HLA-DRB1: variants seen among roughly 807,000 people sequenced by gnomAD.
HLA-DRB1 encodes major histocompatibility complex, class II, DR beta 1.
A neutral mutation model predicts 27.9 loss-of-function variants in HLA-DRB1; 10 were observed. The ratio of observed to expected loss-of-function variants is 0.36; its 90% CI spans 0.22 to 0.61. HLA-DRB1 has a LOEUF of 0.61. Among genes scored for constraint, HLA-DRB1 ranks in the 20% least tolerant of loss-of-function variants. The pLI, the probability that HLA-DRB1 is intolerant of heterozygous loss-of-function variation, is 0.73. For missense variants in HLA-DRB1, 118 were observed against 306.3 expected (o/e 0.39, Z 4.59); for synonymous variants, 57 against 126.7 (o/e 0.45, Z 3.69).
intron 3 of HLA-DRB1, among the ~76,000 whole-genome samples, chr6:32,581,157 C>T (rs41286841): frequency 0.17 from 11,830 of 68,066 alleles, 2,251 homozygotes; most frequent in Middle Eastern, 0.29. Context: ...TAATAAAAAG[C>T]AGGGCTGAGA....
At position 32,579,122 on chromosome 6, in the gene HLA-DRB1, G is replaced by A. The variant is rs35662203; in HGVS notation, c.788-18C>T. The A allele has an allele frequency of 2.6e-4, 244 of 926,362 alleles. 2 individuals carry two copies. The highest frequency in any genetic ancestry group is 2.5e-4 in the Admixed American group (6 of 23,984). The allele number at this position is 926,362 out of a possible 1,614,324, so 57.4% of individuals were successfully genotyped here. A position where few individuals can be genotyped will look rare whatever the true frequency, so the allele number is the denominator to read the frequency against. On this transcript the variant is annotated intron_variant, in intron 5 of 5. Coordinates refer to ENST00000360004, the Ensembl canonical transcript of HLA-DRB1. ...CAGGAATCCTGCAAAAGACAGAGGA[G>A]AGTGTTGTTTTCAACCTGGCTCTAC...
chr6:32,584,515 G>A (rs1776097972), intron 1 of HLA-DRB1, 137 bp from the exon 2 acceptor site: 1 of 611,324 alleles, frequency 1.6e-6, no homozygotes, highest in Non-Finnish European at 2.8e-6. Context: ...CCCACCACCT[G>A]CAGCCCAGGA....
At position 32,582,012 on chromosome 6, in the gene HLA-DRB1, G is replaced by T. The variant is rs1484367880; in HGVS notation, c.371-174C>A. Among the ~76,000 whole-genome samples the T allele has an allele frequency of 2.4e-5, 3 of 125,164 alleles. 1 individual carries two copies. 82.1% of individuals were successfully genotyped at this position (125,164 alleles called of 152,430 possible). On this transcript the variant is annotated intron_variant, in intron 2 of 5. Coordinates refer to ENST00000360004, the Ensembl canonical transcript of HLA-DRB1. ...CCTGGAATTTAATCTTGACAGTGAG[G>T]ACCCATTAGATTTGAGAGGTGTTGT...
intron 1 of HLA-DRB1, among the ~76,000 whole-genome samples, chr6:32,589,390 T>C: frequency 7.3e-6 from 1 of 136,866 alleles, no homozygotes; most frequent in African/African-American, 2.8e-5. Context: ...TGAGGACATG[T>C]GATGCAAAGG....
At chr6:32,578,906 G>A in exon 6 of HLA-DRB1, 1 of 485,710 alleles carries the variant, frequency 2.1e-6, no homozygotes, top group African/African-American at 2.0e-5. Flanking sequence ...TCAATGCTGG[G>A]ACTTCAGGCC....
At chr6:32,580,482 G>T (rs199737934) in intron 4 of HLA-DRB1, among the ~76,000 whole-genome samples, 490 of 120,982 alleles carry the variant, frequency 4.1e-3, no homozygotes, top group East Asian at 0.023. Context: ...AGCCTTAGTG[G>T]CTCTTCCTTA....
exon 1 of HLA-DRB1, chr6:32,589,669 G>C (rs148093782): frequency 0.03 from 30,253 of 1,013,042 alleles, 2,431 homozygotes; most frequent in South Asian, 0.075. Flanking sequence ...CAAAGCCAGT[G>C]GGGAGCTCAG....
chr6:32,588,147 A>AT (rs1357578658), intron 1 of HLA-DRB1, among the ~76,000 whole-genome samples: 5,597 of 119,820 alleles, frequency 0.047, 97 homozygotes, highest in Admixed American at 0.059. Flanking sequence ...GAAAAAGGAA[A>AT]TTTTTTTATT....
At chr6:32,584,703 G>GT (rs1554127401) in intron 1 of HLA-DRB1, among the ~76,000 whole-genome samples, 1 of 105,570 alleles carries the variant, frequency 9.5e-6, no homozygotes, top group Non-Finnish European at 1.9e-5. Context: ...CCTCCTGGGA[G>GT]CCCCAAAGAC....
intron 1 of HLA-DRB1, among the ~76,000 whole-genome samples, chr6:32,585,859 A>G (rs1418617737): frequency 6.9e-6 from 1 of 145,846 alleles, no homozygotes; most frequent in Non-Finnish European, 1.5e-5. Context: ...CCAGAGATGT[A>G]TATGTTTTTA....
chr6:32,586,015 T>C (rs34593373), intron 1 of HLA-DRB1, among the ~76,000 whole-genome samples: 14,114 of 117,152 alleles, frequency 0.12, 1,943 homozygotes, highest in Admixed American at 0.16. Flanking sequence ...TGACCTAGAG[T>C]AATAACTGGT....
rs755858035 is a variant in HLA-DRB1 at position 32,582,247 on chromosome 6, A to C, written c.371-409T>G. 1.6e-4 allele frequency among the ~76,000 whole-genome samples: 23 copies of C among 146,120 alleles called. 1 individual carries two copies. The highest frequency in any genetic ancestry group is 6.2e-4 in the Admixed American group (9 of 14,458). ...ACTTTGTCACCTACAATGAAGGATAATTATACTAATTTACCTCTTGGGGTT... is the reference window on the plus strand; with the variant it reads ...ACTTTGTCACCTACAATGAAGGATACTTATACTAATTTACCTCTTGGGGTT... On this transcript the variant is annotated intron_variant, in intron 2 of 5. Transcript: ENST00000360004.
rs1202681029 is a variant in HLA-DRB1, at chr6:32,581,105, G to T, written c.653-249C>A. 5.7e-5 allele frequency among the ~76,000 whole-genome samples: 5 copies of T among 88,334 alleles called. 1 individual carries two copies. Among genetic ancestry groups the T allele is most frequent in the African/African-American group, 2.1e-4 (5 of 23,996 alleles). The allele number at this position is 88,334 out of a possible 152,430, so 58.0% of individuals were successfully genotyped here. A position where few individuals can be genotyped will look rare whatever the true frequency, so the allele number is the denominator to read the frequency against. ...TCAACATCTGATCCACAGAAAGCCT[G>T]AGACTCAATGAGGATAAGTAGTTTG... On this transcript the variant is annotated intron_variant, in intron 3 of 5. Transcript: ENST00000360004.
intron 1 of HLA-DRB1, among the ~76,000 whole-genome samples, chr6:32,588,161 A>G (rs34277469): frequency 0.036 from 4,256 of 117,212 alleles, no homozygotes; most frequent in Admixed American, 0.071. Context: ...TTTTATTAAG[A>G]GTCATCTCTT....
At position 32,589,755 on chromosome 6, in the gene HLA-DRB1, G is replaced by C. The variant is rs768155953; in HGVS notation, c.-13C>G. 5,396 of 837,866 alleles carry C rather than the reference G, an allele frequency of 6.4e-3. 251 individuals carry two copies. The highest frequency in any genetic ancestry group is 0.057 in the African/African-American group (1,868 of 32,896). The allele number at this position is 837,866 out of a possible 1,614,324, so 51.9% of individuals were successfully genotyped here. On this transcript the variant is annotated 5_prime_UTR_variant, in exon 1 of 6. Transcript: ENST00000360004. ...TCAGACACACCATGCTGGAGAACAG[G>C]ACAGGACCAGGGGCCAGAGAAGCAG...
Position 32,579,830 on chromosome 6 carries a change from G to A in HLA-DRB1, c.787+417C>T, listed in dbSNP as rs1370085174. Reference sequence around the variant, plus strand: ...TTTAGAAACCTCTTGTAGGCCGGGCGCGGTGGCTCACGCCTGTAATCCCAG... The same window carrying A: ...TTTAGAAACCTCTTGTAGGCCGGGCACGGTGGCTCACGCCTGTAATCCCAG... On this transcript the variant is annotated intron_variant, in intron 5 of 5. Transcript: ENST00000360004. Among the ~76,000 whole-genome samples, 5 of 34,608 alleles carry A rather than the reference G, an allele frequency of 1.4e-4. 2 individuals are homozygous for A. The highest frequency in any genetic ancestry group is 3.0e-4 in the Non-Finnish European group (5 of 16,424). The allele number at this position is 34,608 out of a possible 152,430, so 22.7% of individuals were successfully genotyped here.
At chr6:32,582,103 T>C (rs1414395629) in intron 2 of HLA-DRB1, among the ~76,000 whole-genome samples, 1 of 82,174 alleles carries the variant, frequency 1.2e-5, no homozygotes, top group Admixed American at 1.5e-4. Flanking sequence ...TTACAAATCT[T>C]GGAAAGTACA....
At chr6:32,580,999 G>T (rs1775379251) in intron 3 of HLA-DRB1, 143 bp from the exon 4 acceptor site, 11 of 563,374 alleles carry the variant, frequency 2.0e-5, no homozygotes, top group African/African-American at 1.9e-4. Context: ...AGAAAAAAAG[G>T]ATTTCAAATT....
In HLA-DRB1 at chr6:32,589,634, TG is replaced by T. The variant is rs1777072283; in HGVS notation, c.100+8del. The T allele has an allele frequency of 2.4e-6, 2 of 824,198 alleles. No homozygotes were observed. Among genetic ancestry groups the T allele is most frequent in the Non-Finnish European group, 3.4e-6 (2 of 595,968 alleles). 51.1% of individuals were successfully genotyped at this position (824,198 alleles called of 1,614,324 possible). On this transcript the variant is annotated splice_region_variant and intron_variant, in intron 1 of 5. Transcript: ENST00000360004. ...CCATAGTAGCTCAGCACCCGCAATG[TG>T]CACTTACGTCGGGTGTCCCCAGACA...
Sources: allele counts gnomAD v4.1 joint callset (sites outside exome capture counted in the v4.1 genomes callset), GRCh38; gene constraint gnomAD v4.1.1; transcripts MANE v1.5; gene names NCBI Gene and HGNC (gene_info 2026-07-23, HGNC 2026-07-21).